ANKRD36C: variants seen among roughly 807,000 people sequenced by gnomAD.
ANKRD36C encodes the protein ankyrin repeat domain-containing protein 36C.
A neutral mutation model predicts 276.4 loss-of-function variants in ANKRD36C; 61 were observed. The ratio of observed to expected loss-of-function variants is 0.22; its 90% CI spans 0.18 to 0.27. The LOEUF is 0.27. Ranked by LOEUF, ANKRD36C falls within the 10% of genes least tolerant of loss-of-function variation. The pLI is 1.00. For synonymous variants in ANKRD36C, 483 were observed against 680.1 expected (o/e 0.71, Z 4.51); for missense variants, 1,447 against 2,032.3 (o/e 0.71, Z 5.54).
At chr2:95,919,706 T>A in intron 34 of ANKRD36C, 27 bp downstream of exon 36, 2 of 741,244 alleles carry the variant, frequency 2.7e-6, no homozygotes. Flanking sequence ...GGATTGAACA[T>A]GACATTGAAT....
chr2:95,981,180 A>G (rs1678907333), intron 4 of ANKRD36C, among the ~76,000 whole-genome samples: 1 of 151,816 alleles, frequency 6.6e-6, no homozygotes, highest in African/African-American at 2.4e-5. Context: ...GCTTAAAACA[A>G]TAATATTAAT....
At chr2:95,852,490 C>T (rs1675317572) in intron 64 of ANKRD36C, 1 of 279,320 alleles carries the variant, frequency 3.6e-6, no homozygotes, top group Non-Finnish European at 6.7e-6. Flanking sequence ...TTAAATAATA[C>T]TATCTGGCCC....
At position 95,968,158 on chromosome 2, in the gene ANKRD36C, T is replaced by C. The variant is rs1396410197; in HGVS notation, c.800-5611A>G. On this transcript the variant is annotated intron_variant, in intron 6 of 66. Transcript: ENST00000456556. ...CTTGTAGGAAAAAAAGTATAAGACT[T>C]TGATGCTTTATTACAGAGACTCTCA... is the stretch of plus-strand genomic sequence containing the variant. Among the ~76,000 whole-genome samples, 2 of 152,142 alleles carry C rather than the reference T, an allele frequency of 1.3e-5. 1 individual carries two copies. Among genetic ancestry groups the C allele is most frequent in the African/African-American group, 4.8e-5 (2 of 41,434 alleles).
intron 34 of ANKRD36C, among the ~76,000 whole-genome samples, chr2:95,920,934 A>G (rs1441234799): frequency 6.7e-6 from 1 of 150,008 alleles, no homozygotes; most frequent in Non-Finnish European, 1.5e-5. Flanking sequence ...CCTAATAGTA[A>G]CAAAAAGGAG....
At chr2:95,963,986 T>TATATATATATAA (rs1558658687) in intron 6 of ANKRD36C, among the ~76,000 whole-genome samples, 121 of 18,958 alleles carry the variant, frequency 6.4e-3, no homozygotes, top group African/African-American at 0.033. Context: ...TATATATATA[T>TATATATATATAA]ATATATATAT....
chr2:95,855,804 C>A (rs371779228), exon 63 of ANKRD36C: 19 of 1,613,822 alleles, frequency 1.2e-5, no homozygotes, highest in Non-Finnish European at 1.6e-5. Flanking sequence ...CTCTTGGTCT[C>A]TTTTTGATGA....
intron 44 of ANKRD36C, 80 bp downstream of exon 60, chr2:95,897,190 C>T (rs1199212585): frequency 1.7e-6 from 2 of 1,148,898 alleles, no homozygotes; most frequent in East Asian, 2.7e-5. Context: ...CTTCAACGAG[C>T]CCCCCGCTGA....
Position 95,919,937 on chromosome 2 carries a change from A to T in ANKRD36C, c.2245+1670T>A, listed in dbSNP as rs1258283653. On this transcript the variant is annotated intron_variant, in intron 34 of 66. Coordinates refer to ENST00000456556, the Ensembl canonical transcript of ANKRD36C. ...GAGAAGACACTGAAAAGCAAAAGGG[A>T]TACATAATCACTCATATATAAATAT... The T allele has an allele frequency of 4.6e-6, 7 of 1,538,404 alleles. 2 individuals carry two copies. Among genetic ancestry groups the T allele is most frequent in the Middle Eastern group, 2.3e-4 (1 of 4,352 alleles).
At chr2:95,874,259 C>T (rs1403152898) in intron 59 of ANKRD36C, among the ~76,000 whole-genome samples, 12 of 152,232 alleles carry the variant, frequency 7.9e-5, no homozygotes, top group East Asian at 3.9e-4. Context: ...GGAGGCATCA[C>T]GCTACCTGAC....
At chr2:95,890,075 ATCTC>A (rs1330056473) in intron 46 of ANKRD36C, 81 bp from the exon 67 acceptor site, 1 of 1,522,228 alleles carries the variant, frequency 6.6e-7, no homozygotes, top group African/African-American at 1.4e-5. Context: ...GTTAGCATCA[ATCTC>A]TGTCCTCCTG....
At chr2:95,914,968 A>G (rs1677049633) in intron 38 of ANKRD36C, among the ~76,000 whole-genome samples, 1 of 151,534 alleles carries the variant, frequency 6.6e-6, no homozygotes. Context: ...TCATGGCACC[A>G]AAGGATAATA....
At chr2:95,929,764 C>A (rs1234683880) in intron 24 of ANKRD36C, among the ~76,000 whole-genome samples, 3 of 151,336 alleles carry the variant, frequency 2.0e-5, no homozygotes, top group Admixed American at 6.6e-5. Flanking sequence ...TAGTTGAAAT[C>A]TCTTCAGTGG....
chr2:95,978,132 A>C (rs1258447256), exon 6 of ANKRD36C: 1 of 1,255,180 alleles, frequency 8.0e-7, no homozygotes, highest in East Asian at 2.8e-5. Flanking sequence ...CTGGATTGCT[A>C]TTTATAGAAA....
Position 95,939,266 on chromosome 2 carries a change from G to A in ANKRD36C, c.1532-251C>T, listed in dbSNP as rs373513162. ...GCAAGGGTGAGATTAGGTTTCACATGACTACAAGTAACATAGAAAAGTATT... is the reference window on the plus strand; with the variant it reads ...GCAAGGGTGAGATTAGGTTTCACATAACTACAAGTAACATAGAAAAGTATT... On this transcript the variant is annotated intron_variant, in intron 20 of 66. Coordinates refer to ENST00000456556, the Ensembl canonical transcript of ANKRD36C. Among the ~76,000 whole-genome samples the A allele has an allele frequency of 6.4e-5, 8 of 125,510 alleles. No homozygotes were observed. The South Asian group carries it at 8.6e-4, about 13-fold the overall frequency. 82.3% of individuals were successfully genotyped at this position (125,510 alleles called of 152,430 possible). A position where few individuals can be genotyped will look rare whatever the true frequency, so the allele number is the denominator to read the frequency against.
chr2:95,910,551 G>T, intron 42 of ANKRD36C: 3 of 1,606,626 alleles, frequency 1.9e-6, no homozygotes, highest in South Asian at 2.2e-5. Context: ...TTCAAGGCTG[G>T]TGGTTTCTGA....
chr2:95,902,419 G>C (rs1380775339), intron 42 of ANKRD36C, among the ~76,000 whole-genome samples: 5 of 150,266 alleles, frequency 3.3e-5, no homozygotes, highest in South Asian at 4.2e-4. Context: ...ACACCTTCCT[G>C]CCTCACAATC....
chr2:95,900,706 T>C lies in ANKRD36C; in HGVS notation c.2654-1370A>G, dbSNP rs1444396889. Among the ~76,000 whole-genome samples, 13 of 114,394 alleles carry C rather than the reference T, an allele frequency of 1.1e-4. No individual in the cohort carries two copies. In the Admixed American group the frequency reaches 1.3e-3, roughly 11 times the overall value. 75.0% of individuals were successfully genotyped at this position (114,394 alleles called of 152,430 possible). On this transcript the variant is annotated intron_variant, in intron 42 of 66. Coordinates refer to ENST00000456556, the Ensembl canonical transcript of ANKRD36C. The stretch of plus-strand genomic sequence containing the variant: ...AATCTGTACTTCCTCTCTTTCTCCT[T>C]ACACCCTTAATGAAAAGATGCTCCA...
At chr2:95,865,468 T>G (rs1271263525) in intron 60 of ANKRD36C, among the ~76,000 whole-genome samples, 3 of 152,070 alleles carry the variant, frequency 2.0e-5, no homozygotes, top group Non-Finnish European at 4.4e-5. Flanking sequence ...ACCAAAACAG[T>G]GTGCCATAGG....
At chr2:95,980,723 T>C in exon 5 of ANKRD36C, 1 of 1,611,722 alleles carries the variant, frequency 6.2e-7, no homozygotes, top group Non-Finnish European at 8.5e-7. Context: ...ATCAATATTG[T>C]GCTGCAGAAG....
Sources: gnomAD v4.1 joint callset for allele counts (sites outside exome capture counted in the v4.1 genomes callset) on GRCh38, gnomAD v4.1.1 for gene constraint, MANE v1.5 for transcripts, NCBI Gene and HGNC (gene_info 2026-07-23, HGNC 2026-07-21) for gene names.